The following MAST4 variants were observed in gnomAD, a reference collection of about 807,000 sequenced individuals.
MAST4 encodes microtubule-associated serine/threonine-protein kinase 4.
Under a neutral mutation model 162.7 loss-of-function variants are expected in MAST4, and 89 were observed. That is an observed-to-expected ratio of 0.55 (90% confidence interval 0.46 to 0.65). MAST4 has a LOEUF of 0.65. MAST4 is among the 30% of genes least tolerant of loss of function. The probability of loss-of-function intolerance (pLI) is 0.00; values close to 1 mark genes in which losing one functional copy is unlikely to be tolerated. For missense variants in MAST4, 3,153 were observed against 3,374.0 expected (o/e 0.93, Z 1.62); for synonymous variants, 1,479 against 1,361.1 (o/e 1.09, Z -1.91).
At chr5:66,687,474 A>ACATAG (rs1748738106) in intron 1 of MAST4, among the ~76,000 whole-genome samples, 1 of 151,954 alleles carries the variant, frequency 6.6e-6, no homozygotes, top group African/African-American at 2.4e-5. Flanking sequence ...ATACATGTAT[A>ACATAG]TATGTATACA....
At chr5:66,753,410 T>C (rs1249718061) in intron 1 of MAST4, among the ~76,000 whole-genome samples, 1 of 150,852 alleles carries the variant, frequency 6.6e-6, no homozygotes, top group Non-Finnish European at 1.5e-5. Flanking sequence ...CTAGCAAGAC[T>C]AATAAAGAAA....
At chr5:66,960,579 A>G (rs1745890931) in intron 4 of MAST4, among the ~76,000 whole-genome samples, 1 of 151,974 alleles carries the variant, frequency 6.6e-6, no homozygotes. Flanking sequence ...CTGGAAATGC[A>G]TAACTAAGCC....
At chr5:66,961,634 T>G (rs1272103282) in intron 4 of MAST4, among the ~76,000 whole-genome samples, 1 of 152,260 alleles carries the variant, frequency 6.6e-6, no homozygotes, top group Non-Finnish European at 1.5e-5. Context: ...TAGATTTTTT[T>G]GTTTTTTCTT....
chr5:66,740,140 A>G (rs1752402326), intron 1 of MAST4, among the ~76,000 whole-genome samples: 3 of 152,156 alleles, frequency 2.0e-5, no homozygotes, highest in South Asian at 2.1e-4. Flanking sequence ...TGCCCTGCAT[A>G]AAGTTGAAAC....
At chr5:66,986,070 C>G (rs10053810) in intron 4 of MAST4, among the ~76,000 whole-genome samples, 43,516 of 152,170 alleles carry the variant, frequency 0.29, 6,478 homozygotes, top group African/African-American at 0.34. Context: ...ACAAAAACAG[C>G]TGTAATATAA....
At chr5:66,911,970 C>T (rs1763807837) in intron 4 of MAST4, among the ~76,000 whole-genome samples, 1 of 152,160 alleles carries the variant, frequency 6.6e-6, no homozygotes, top group Non-Finnish European at 1.5e-5. Flanking sequence ...CTAACTCTTC[C>T]TAAACCCTGA....
intron 1 of MAST4, among the ~76,000 whole-genome samples, chr5:66,670,154 G>A: frequency 6.6e-6 from 1 of 152,158 alleles, no homozygotes. Flanking sequence ...ATTATGAAAA[G>A]TGACAGTCCT....
At chr5:66,958,986 T>G in intron 4 of MAST4, 2 of 412,070 alleles carry the variant, frequency 4.9e-6, no homozygotes, top group Non-Finnish European at 8.7e-6. Flanking sequence ...CAGAAACCAA[T>G]TACTTGATAT....
chr5:66,895,807 TTCTCCCTG>T (rs1439753560), intron 3 of MAST4, among the ~76,000 whole-genome samples: 5 of 152,210 alleles, frequency 3.3e-5, no homozygotes, highest in Non-Finnish European at 5.9e-5. Context: ...CAGTCTTCCC[TTCTCCCTG>T]TCTCCCCCTT....
intron 4 of MAST4, among the ~76,000 whole-genome samples, chr5:67,051,087 G>A (rs12521076): frequency 2.6e-5 from 4 of 151,956 alleles, no homozygotes; most frequent in African/African-American, 9.7e-5. Flanking sequence ...GCTTAGATAA[G>A]GGTGAGTTAT....
intron 4 of MAST4, among the ~76,000 whole-genome samples, chr5:66,980,853 A>G (rs1748718038): frequency 6.6e-6 from 1 of 152,144 alleles, no homozygotes; most frequent in South Asian, 2.1e-4. Context: ...AAGTGTAGGT[A>G]TTCTGGGGCA....
chr5:67,142,606 A>T (rs753266495), intron 21 of MAST4, 73 bp downstream of exon 21: 9 of 977,228 alleles, frequency 9.2e-6, no homozygotes, highest in Non-Finnish European at 1.4e-5. Context: ...GTATCCCCGA[A>T]CAGCTGGACA....
chr5:66,799,016 C>A (rs1755787243), intron 3 of MAST4, among the ~76,000 whole-genome samples: 1 of 152,168 alleles, frequency 6.6e-6, no homozygotes, highest in Non-Finnish European at 1.5e-5. Flanking sequence ...CTTTTAAAAA[C>A]CTCCGAGTTT....
intron 1 of MAST4, among the ~76,000 whole-genome samples, chr5:66,611,720 G>A (rs1342622802): frequency 1.3e-5 from 2 of 152,204 alleles, no homozygotes; most frequent in Non-Finnish European, 2.9e-5. Flanking sequence ...TGCTCGCTTT[G>A]TACTCCTGAA....
intron 1 of MAST4, 139 bp from the exon 2 acceptor site, chr5:66,759,570 C>T (rs756519786): frequency 2.1e-5 from 22 of 1,054,218 alleles, no homozygotes; most frequent in African/African-American, 6.4e-5. Flanking sequence ...AATTCTCTAA[C>T]GTAGCAAAAT....
chr5:67,157,428 T>G (rs1772666394), intron 26 of MAST4, among the ~76,000 whole-genome samples: 2 of 152,228 alleles, frequency 1.3e-5, no homozygotes, highest in South Asian at 4.1e-4. Flanking sequence ...GTGCTGTCAT[T>G]TAAGCCCTGG....
rs182519057 is a variant in MAST4 at position 67,162,897 on chromosome 5, G to A, written c.3967+109G>A. The stretch of plus-strand genomic sequence containing the variant: ...AGCTGAAAGAAAGCAGGTTGAAGGT[G>A]TAAATTATAAAGACAGATTTATAGA... On this transcript the variant is annotated intron_variant, in intron 28 of 28. Coordinates refer to ENST00000403625, the MANE Select transcript of MAST4 (RefSeq NM_001164664.2). 1.1e-3 allele frequency: 1,297 copies of A among 1,225,432 alleles called. 16 individuals are homozygous for A. In the Admixed American group the frequency reaches 0.025, roughly 24 times the overall value. The allele number at this position is 1,225,432 out of a possible 1,614,324, so 75.9% of individuals were successfully genotyped here. A position where few individuals can be genotyped will look rare whatever the true frequency, so the allele number is the denominator to read the frequency against.
intron 1 of MAST4, among the ~76,000 whole-genome samples, chr5:66,656,474 A>G (rs1056464788): frequency 9.9e-5 from 15 of 152,198 alleles, no homozygotes; most frequent in Non-Finnish European, 2.2e-4. Flanking sequence ...TCCATTTAAC[A>G]GGGAAAAATA....
At chr5:67,144,552 C>T (rs1770827131) in intron 21 of MAST4, 117 bp from the exon 22 acceptor site, 3 of 1,041,912 alleles carry the variant, frequency 2.9e-6, no homozygotes, top group South Asian at 3.1e-5. Flanking sequence ...TTTCTGAATA[C>T]ACAATATTAG....
Sources: allele counts gnomAD v4.1 joint callset (sites outside exome capture counted in the v4.1 genomes callset), GRCh38; gene constraint gnomAD v4.1.1; transcripts MANE v1.5; gene names NCBI Gene and HGNC (gene_info 2026-07-23, HGNC 2026-07-21).